The following SLC9C2 variants were observed in gnomAD, a reference collection of about 807,000 sequenced individuals.
SLC9C2 encodes the protein solute carrier family 9 member C2 (putative), also known as sodium/hydrogen exchanger 11.
In SLC9C2, 75 loss-of-function variants were observed where a neutral mutation model predicts 140.2. The ratio of observed to expected loss-of-function variants is 0.53; its 90% confidence interval spans 0.44 to 0.65. The LOEUF (loss-of-function observed/expected upper bound fraction) is 0.65. Ranked by LOEUF, SLC9C2 falls within the 30% of genes least tolerant of loss-of-function variation. The pLI is 0.00. For synonymous variants in SLC9C2, 375 were observed against 420.9 expected (o/e 0.89, Z 1.34); for missense variants, 1,074 against 1,331.8 (o/e 0.81, Z 3.01).
chr1:173,595,849 C>T (rs1666420946), intron 4 of SLC9C2, among the ~76,000 whole-genome samples: 1 of 152,012 alleles, frequency 6.6e-6, no homozygotes, highest in Admixed American at 6.6e-5. Flanking sequence ...TTGATAAATG[C>T]ATACAGTTAT....
intron 24 of SLC9C2, among the ~76,000 whole-genome samples, chr1:173,507,415 G>A (rs1659724254): frequency 6.6e-6 from 1 of 152,006 alleles, no homozygotes; most frequent in Admixed American, 6.5e-5. Context: ...ATAACACAAA[G>A]CCAAAACAAA....
In SLC9C2 at chr1:173,521,398, T is replaced by C. The variant is rs377309633; in HGVS notation, c.2642A>G (p.Glu881Gly). 5 of 1,471,736 alleles carry C rather than the reference T, an allele frequency of 3.4e-6. No individual in the cohort carries two copies. The African/African-American group carries it at 7.3e-5, about 22-fold the overall frequency. 91.2% of individuals were successfully genotyped at this position (1,471,736 alleles called of 1,614,324 possible). A position where few individuals can be genotyped will look rare whatever the true frequency, so the allele number is the denominator to read the frequency against. ...GTCAAAACAGGCAAGTTTGGCTCTT[T>C]CCTGAGTGGGAAAAAAAAAAACGAA... Reference protein sequence around the residue: ...GKDVLIDFFKERAKLACFDSG... With the variant: ...GKDVLIDFFKGRAKLACFDSG... Residue 881 changes from glutamate (E) to glycine (G), a missense_variant and splice_region_variant, in exon 22 of 28, where the codon GAA (glutamate) becomes GGA (glycine). Coordinates refer to ENST00000367714, the MANE Select transcript of SLC9C2 (RefSeq NM_178527.4).
chr1:173,505,060 A>G (rs1162881466), intron 26 of SLC9C2, among the ~76,000 whole-genome samples, 187 bp downstream of exon 26: 3 of 152,182 alleles, frequency 2.0e-5, no homozygotes, highest in African/African-American at 7.2e-5. Flanking sequence ...CCTGGATTTT[A>G]GGGTCTGGAA....
Position 173,583,498 on chromosome 1 carries a change from G to C in SLC9C2, c.640+8C>G, listed in dbSNP as rs778260099. 3 of 1,449,656 alleles carry C rather than the reference G, an allele frequency of 2.1e-6. No homozygotes were observed. The highest frequency in any genetic ancestry group is 1.4e-5 in the African/African-American group (1 of 69,920). The allele number at this position is 1,449,656 out of a possible 1,614,324, so 89.8% of individuals were successfully genotyped here. On this transcript the variant is annotated splice_region_variant and intron_variant, in intron 6 of 27. Transcript: ENST00000367714. ...TTTAGAAAATATACAGACAAAAAAT[G>C]CTCCTACCTCTAAAAATAGAAAAGT... is the stretch of plus-strand genomic sequence containing the variant.
intron 16 of SLC9C2, 119 bp from the exon 17 acceptor site, chr1:173,533,916 T>C: frequency 8.8e-7 from 1 of 1,142,716 alleles, no homozygotes; most frequent in South Asian, 2.2e-5. Context: ...AAAGTTGAGC[T>C]TTAAGTTATT....
chr1:173,521,155 C>T, intron 22 of SLC9C2, 146 bp downstream of exon 22: 1 of 430,800 alleles, frequency 2.3e-6, no homozygotes, highest in Non-Finnish European at 4.0e-6. Flanking sequence ...ATATTCACCT[C>T]TCAGCTGTCA....
chr1:173,580,285 A>G (rs896121781), intron 7 of SLC9C2, among the ~76,000 whole-genome samples: 4 of 152,222 alleles, frequency 2.6e-5, no homozygotes, highest in African/African-American at 4.8e-5. Flanking sequence ...GCACACCAGC[A>G]GGAGTGAGTC....
At position 173,557,459 on chromosome 1, in the gene SLC9C2, C is replaced by G; in HGVS notation, c.1096G>C (p.Glu366Gln). Residue 366 changes from glutamate to glutamine, a missense_variant, in exon 10 of 28, where the codon GAA becomes CAA. Transcript: ENST00000367714. The part of the protein sequence containing the change: ...VSPILMHSNY[E>Q]YNWRWGVVIT... The stretch of plus-strand genomic sequence containing the variant: ...ACAACTCCCCATCGCCAATTATATT[C>G]ATAATTTGAATGCATCAAAATAGGG... 1 of 1,613,594 alleles carries G rather than the reference C, an allele frequency of 6.2e-7. No individual in the cohort carries two copies. Among genetic ancestry groups the G allele is most frequent in the Non-Finnish European group, 8.5e-7 (1 of 1,179,630 alleles).
intron 23 of SLC9C2, 109 bp from the exon 24 acceptor site, chr1:173,509,808 T>C (rs1346736866): frequency 1.8e-6 from 2 of 1,091,912 alleles, no homozygotes; most frequent in East Asian, 2.8e-5. Context: ...CTATCAATTC[T>C]AGCATAATTA....
At chr1:173,502,272 CAAAAAAAAA>C (rs34183286) in intron 27 of SLC9C2, among the ~76,000 whole-genome samples, 1 of 40,786 alleles carries the variant, frequency 2.5e-5, no homozygotes, top group African/African-American at 7.4e-5. Context: ...GATTCCATCT[CAAAAAAAAA>C]AAAAAAAAAA....
intron 13 of SLC9C2, among the ~76,000 whole-genome samples, chr1:173,539,055 A>T (rs61828883): frequency 0.15 from 22,892 of 152,230 alleles, 2,031 homozygotes; most frequent in East Asian, 0.31. Context: ...GAAGAGTTCT[A>T]CAAGAAGTTC....
At chr1:173,595,557 C>G (rs1666403142) in intron 4 of SLC9C2, among the ~76,000 whole-genome samples, 1 of 152,018 alleles carries the variant, frequency 6.6e-6, no homozygotes, top group Non-Finnish European at 1.5e-5. Flanking sequence ...AAAATTTTAA[C>G]TTTCTGTAAG....
chr1:173,587,539 A>G lies in SLC9C2; in HGVS notation c.523+126T>C, dbSNP rs1303186426. ...AAGTCAATCAGTGCTCTACCTCTCA[A>G]GGTGAAAAAAAAAGCACAGAGTCTT... On this transcript the variant is annotated intron_variant, in intron 5 of 27. Transcript: ENST00000367714. 3 of 887,702 alleles carry G rather than the reference A, an allele frequency of 3.4e-6. No individual in the cohort carries two copies. In the East Asian group the frequency reaches 8.1e-5, roughly 24 times the overall value. The allele number at this position is 887,702 out of a possible 1,614,324, so 55.0% of individuals were successfully genotyped here. A position where few individuals can be genotyped will look rare whatever the true frequency, so the allele number is the denominator to read the frequency against.
chr1:173,538,537 G>T (rs1483315220), intron 13 of SLC9C2, among the ~76,000 whole-genome samples: 1 of 152,190 alleles, frequency 6.6e-6, no homozygotes. Flanking sequence ...CAGGGGAAAA[G>T]TTAGATGCTT....
chr1:173,566,494 A>G (rs1375119562), intron 9 of SLC9C2, among the ~76,000 whole-genome samples: 1 of 151,972 alleles, frequency 6.6e-6, no homozygotes, highest in Non-Finnish European at 1.5e-5. Context: ...ACCAGTAATG[A>G]TCCTTTGAAT....
At chr1:173,593,506 T>TGA (rs2102259613) in intron 4 of SLC9C2, among the ~76,000 whole-genome samples, 2 of 152,164 alleles carry the variant, frequency 1.3e-5, no homozygotes, top group South Asian at 4.2e-4. Flanking sequence ...GGCAGTAGAG[T>TGA]GAGACTCTGT....
In SLC9C2 at chr1:173,521,406, G is replaced by GA; in HGVS notation, c.2641-8_2641-7insT. The GA allele has an allele frequency of 2.1e-6, 3 of 1,432,360 alleles. No individual in the cohort carries two copies. Among genetic ancestry groups the GA allele is most frequent in the East Asian group, 2.6e-5 (1 of 38,764 alleles). 88.7% of individuals were successfully genotyped at this position (1,432,360 alleles called of 1,614,324 possible). On this transcript the variant is annotated splice_polypyrimidine_tract_variant and splice_region_variant and intron_variant, in intron 21 of 27. Coordinates refer to ENST00000367714, the MANE Select transcript of SLC9C2 (RefSeq NM_178527.4). ...AGGCAAGTTTGGCTCTTTCCTGAGT[G>GA]GGAAAAAAAAAAACGAAAAGAAAAA... is the stretch of plus-strand genomic sequence containing the variant.
At chr1:173,573,438 T>C (rs1664966705) in intron 8 of SLC9C2, 113 bp from the exon 9 acceptor site, 1 of 754,056 alleles carries the variant, frequency 1.3e-6, no homozygotes, top group East Asian at 3.1e-5. Context: ...GCAGAGGCCC[T>C]TGCCTTCATC....
intron 12 of SLC9C2, among the ~76,000 whole-genome samples, chr1:173,548,113 A>G (rs1662989842): frequency 6.6e-6 from 1 of 152,218 alleles, no homozygotes; most frequent in African/African-American, 2.4e-5. Flanking sequence ...GCCATTAAAA[A>G]CATTATCTTG....
Sources: allele counts gnomAD v4.1 joint callset (sites outside exome capture counted in the v4.1 genomes callset), GRCh38; gene constraint gnomAD v4.1.1; transcripts MANE v1.5; gene names NCBI Gene and HGNC (gene_info 2026-07-23, HGNC 2026-07-21).